Variants in FAM81A observed in about 807,000 individuals in gnomAD.
FAM81A encodes the protein family with sequence similarity 81 member A, also known as protein FAM81A.
In FAM81A, 19 loss-of-function variants were observed where a neutral mutation model predicts 46.7. The ratio of observed to expected loss-of-function variants is 0.41; its 90% CI spans 0.28 to 0.60. FAM81A has a LOEUF of 0.60. FAM81A is among the 20% of genes least tolerant of loss of function. The pLI, the probability that FAM81A is intolerant of heterozygous loss-of-function variation, is 0.34. For missense variants in FAM81A, 377 were observed against 453.5 expected (o/e 0.83, Z 1.53); for synonymous variants, 183 against 152.9 (o/e 1.20, Z -1.45).
chr15:59,409,816 CA>C (rs1476089800), intron 2 of FAM81A, among the ~76,000 whole-genome samples: 1 of 151,898 alleles, frequency 6.6e-6, no homozygotes, highest in Non-Finnish European at 1.5e-5. Context: ...CCTCACTTTA[CA>C]AAAAAATTTA....
chr15:59,511,940 C>T (rs1488502457), intron 6 of FAM81A, among the ~76,000 whole-genome samples: 2 of 152,158 alleles, frequency 1.3e-5, no homozygotes, highest in African/African-American at 2.4e-5. Context: ...TAAGCCACTG[C>T]ACCCGGCCCA....
intron 4 of FAM81A, among the ~76,000 whole-genome samples, chr15:59,502,662 T>C (rs1157401024): frequency 2.6e-5 from 4 of 151,924 alleles, no homozygotes; most frequent in East Asian, 3.9e-4. Flanking sequence ...TACAGGCGCC[T>C]ACCACCACGC....
intron 1 of FAM81A, among the ~76,000 whole-genome samples, chr15:59,451,805 AC>A (rs34065774): frequency 0.31 from 46,558 of 152,082 alleles, 8,456 homozygotes; most frequent in Non-Finnish European, 0.4. Context: ...TGCTGTGTAT[AC>A]CATCCTCCTT....
intron 2 of FAM81A, among the ~76,000 whole-genome samples, chr15:59,430,697 T>G (rs1471613528): frequency 6.6e-6 from 1 of 152,166 alleles, no homozygotes; most frequent in African/African-American, 2.4e-5. Flanking sequence ...ACCTTGGAAT[T>G]TGTATTAGGT....
At chr15:59,410,542 C>T (rs539757441) in intron 2 of FAM81A, among the ~76,000 whole-genome samples, 2 of 12,566 alleles carry the variant, frequency 1.6e-4, no homozygotes, top group South Asian at 0.1. Flanking sequence ...CTGTGGACTA[C>T]GAGAAAAAAA....
intron 4 of FAM81A, among the ~76,000 whole-genome samples, chr15:59,493,642 C>T (rs1403085120): frequency 2.6e-5 from 4 of 152,206 alleles, no homozygotes; most frequent in East Asian, 1.9e-4. Flanking sequence ...GGCTGGAGAG[C>T]GGTGGCACAA....
upstream of FAM81A, among the ~76,000 whole-genome samples, chr15:59,437,094 G>C (rs1223631263): frequency 6.6e-6 from 1 of 152,202 alleles, no homozygotes; most frequent in Non-Finnish European, 1.5e-5. Context: ...AACAGTCGCA[G>C]AATACCCACA....
intron 2 of FAM81A, among the ~76,000 whole-genome samples, chr15:59,420,358 T>C (rs1596463617): frequency 6.6e-6 from 1 of 152,350 alleles, no homozygotes; most frequent in African/African-American, 2.4e-5. Context: ...GTTCATGTCA[T>C]TGTTCTTCCT....
At chr15:59,487,447 T>C (rs1449938863) in intron 3 of FAM81A, among the ~76,000 whole-genome samples, 2 of 150,598 alleles carry the variant, frequency 1.3e-5, no homozygotes, top group African/African-American at 4.9e-5. Context: ...ATGAGAACAA[T>C]TTAAAAAAAT....
At chr15:59,416,152 G>A (rs1445076815) in intron 2 of FAM81A, among the ~76,000 whole-genome samples, 1 of 152,214 alleles carries the variant, frequency 6.6e-6, no homozygotes, top group Non-Finnish European at 1.5e-5. Flanking sequence ...CTTGGGTACA[G>A]GACATTTATT....
At chr15:59,446,220 A>T (rs2081353176) in intron 1 of FAM81A, among the ~76,000 whole-genome samples, 1 of 152,260 alleles carries the variant, frequency 6.6e-6, no homozygotes, top group Admixed American at 6.5e-5. Flanking sequence ...GAAAGGTTCA[A>T]ATAACAATAG....
Position 59,522,329 on chromosome 15 carries a change from G to C in FAM81A, c.*951G>C, listed in dbSNP as rs1293304332. The stretch of plus-strand genomic sequence containing the variant: ...ATGCACTGTACTCTGTAAAAGTTTT[G>C]CAGACAAAATAGAAAGTATGATAAT... On this transcript the variant is annotated 3_prime_UTR_variant, in exon 9 of 9. Coordinates refer to ENST00000288228, the MANE Select transcript of FAM81A (RefSeq NM_152450.3). 6.6e-6 allele frequency: 1 copy of C among 152,580 alleles called. No individual in the cohort carries two copies. The highest frequency in any genetic ancestry group is 2.4e-5 in the African/African-American group (1 of 41,428). 9.5% of individuals were successfully genotyped at this position (152,580 alleles called of 1,614,324 possible).
chr15:59,413,867 A>G (rs1002130700), intron 2 of FAM81A, among the ~76,000 whole-genome samples: 1 of 152,164 alleles, frequency 6.6e-6, no homozygotes, highest in South Asian at 2.1e-4. Flanking sequence ...TGTTCTTATC[A>G]TCCTTGAGAA....
At chr15:59,506,518 A>T (rs1261107773) in intron 4 of FAM81A, among the ~76,000 whole-genome samples, 1 of 152,162 alleles carries the variant, frequency 6.6e-6, no homozygotes, top group East Asian at 1.9e-4. Context: ...GTCTCTACTG[A>T]GCCCAGTAGC....
At chr15:59,468,372 G>A (rs1179202401) in intron 3 of FAM81A, among the ~76,000 whole-genome samples, 1 of 152,034 alleles carries the variant, frequency 6.6e-6, no homozygotes, top group Admixed American at 6.6e-5. Context: ...ATTTATTATT[G>A]CCTCAATTTT....
At chr15:59,426,645 A>G (rs369416202) in intron 2 of FAM81A, among the ~76,000 whole-genome samples, 5 of 152,262 alleles carry the variant, frequency 3.3e-5, no homozygotes, top group South Asian at 2.1e-4. Context: ...AAAGAAATAC[A>G]TGTACTCAGT....
intron 8 of FAM81A, among the ~76,000 whole-genome samples, chr15:59,518,939 GTGTC>G (rs1332013808): frequency 1.6e-5 from 2 of 125,166 alleles, no homozygotes; most frequent in Non-Finnish European, 3.5e-5. Context: ...TTGTGTGTGT[GTGTC>G]TGTGTGTGTG....
chr15:59,428,199 C>G (rs2081203524), intron 2 of FAM81A, among the ~76,000 whole-genome samples: 1 of 152,146 alleles, frequency 6.6e-6, no homozygotes, highest in Admixed American at 6.5e-5. Flanking sequence ...ATTTCTATGT[C>G]TTCTTGTGAG....
intron 6 of FAM81A, among the ~76,000 whole-genome samples, chr15:59,510,642 G>A (rs1358397100): frequency 6.6e-6 from 1 of 151,618 alleles, no homozygotes; most frequent in South Asian, 2.1e-4. Context: ...GCTGGATATG[G>A]TTGTGCATGC....
Sources: allele counts gnomAD v4.1 joint callset (sites outside exome capture counted in the v4.1 genomes callset), GRCh38; gene constraint gnomAD v4.1.1; transcripts MANE v1.5; gene names NCBI Gene and HGNC (gene_info 2026-07-23, HGNC 2026-07-21).